MYO1E: variants seen among roughly 807,000 people sequenced by gnomAD.
The protein encoded by MYO1E is myosin IE.
A neutral mutation model predicts 151.1 loss-of-function variants in MYO1E; 68 were observed. That is an observed-to-expected ratio of 0.45 (90% CI 0.37 to 0.55). The LOEUF is 0.55. MYO1E is among the 20% of genes least tolerant of loss of function. The pLI is 0.00. For synonymous variants in MYO1E, 601 were observed against 501.7 expected, an observed-to-expected ratio of 1.20 and a Z score of -2.64; for missense variants, 1,363 against 1,389.3, an observed-to-expected ratio of 0.98 and a Z score of 0.30.
chr15:59,272,214 A>T, intron 2 of MYO1E, 92 bp downstream of exon 2: 1 of 1,454,504 alleles, frequency 6.9e-7, no homozygotes, highest in Non-Finnish European at 9.6e-7. Flanking sequence ...GGGATTACAC[A>T]CGTGAGCCAC....
intron 18 of MYO1E, among the ~76,000 whole-genome samples, chr15:59,182,251 C>T (rs945271590): frequency 1.5e-4 from 23 of 152,070 alleles, no homozygotes; most frequent in Admixed American, 3.9e-4. Flanking sequence ...CCACTCTTGT[C>T]GCCCAGGCTG....
chr15:59,322,114 G>A (rs1287522575), intron 1 of MYO1E, among the ~76,000 whole-genome samples: 2 of 149,074 alleles, frequency 1.3e-5, no homozygotes, highest in African/African-American at 5.0e-5. Context: ...GGTGGAGGTT[G>A]CAGTGAGCCA....
At chr15:59,293,437 T>C (rs1567005690) in intron 1 of MYO1E, among the ~76,000 whole-genome samples, 1 of 151,812 alleles carries the variant, frequency 6.6e-6, no homozygotes, top group African/African-American at 2.4e-5. Context: ...TCCCAGCTAC[T>C]TGGGAGACCA....
At chr15:59,368,931 C>T (rs1262870169) in intron 1 of MYO1E, among the ~76,000 whole-genome samples, 10 of 152,226 alleles carry the variant, frequency 6.6e-5, no homozygotes. Context: ...GGATGGCCCA[C>T]TCACACTTGT....
chr15:59,156,278 G>A lies in MYO1E; in HGVS notation c.2878+2009C>T, dbSNP rs113083148. On this transcript the variant is annotated intron_variant, in intron 25 of 27. Coordinates refer to ENST00000288235, the MANE Select transcript of MYO1E (RefSeq NM_004998.4). ...CAGCTCACTGCAATCTCCACCTCCC[G>A]GGTTCAAGCAATTCTCGTGCCTCAT... Among the ~76,000 whole-genome samples, 810 of 152,230 alleles carry A rather than the reference G, an allele frequency of 5.3e-3. 4 individuals carry two copies. Among genetic ancestry groups the A allele is most frequent in the African/African-American group, 0.018 (764 of 41,544 alleles).
At chr15:59,197,269 A>C (rs1194453780) in intron 16 of MYO1E, among the ~76,000 whole-genome samples, 2 of 152,216 alleles carry the variant, frequency 1.3e-5, no homozygotes, top group African/African-American at 4.8e-5. Context: ...CTGGGATTAC[A>C]GGCGTGAGCC....
chr15:59,280,039 A>C (rs1311606227), intron 1 of MYO1E, among the ~76,000 whole-genome samples: 1 of 152,192 alleles, frequency 6.6e-6, no homozygotes, highest in East Asian at 1.9e-4. Flanking sequence ...GAAATATATA[A>C]ATGTCTGACA....
chr15:59,216,933 C>G lies in MYO1E; in HGVS notation c.1107+958G>C, dbSNP rs569722784. Reference sequence around the variant, plus strand: ...AAAAAACTGGCTTCTTGCTCATTCTCTCTTTCAGATCACTCGCTCTGGGGA... The same window carrying G: ...AAAAAACTGGCTTCTTGCTCATTCTGTCTTTCAGATCACTCGCTCTGGGGA... On this transcript the variant is annotated intron_variant, in intron 10 of 27. Transcript: ENST00000288235. Among the ~76,000 whole-genome samples the G allele has an allele frequency of 5.5e-4, 83 of 151,982 alleles. 1 individual carries two copies. The highest frequency in any genetic ancestry group is 2.0e-3 in the African/African-American group (81 of 41,454).
At chr15:59,161,525 G>A (rs1222827321) in intron 23 of MYO1E, among the ~76,000 whole-genome samples, 1 of 152,214 alleles carries the variant, frequency 6.6e-6, no homozygotes, top group Non-Finnish European at 1.5e-5. Flanking sequence ...GGTCTCAGAG[G>A]CGCCTGCTGA....
At chr15:59,219,288 A>G (rs1326437959) in intron 9 of MYO1E, among the ~76,000 whole-genome samples, 1 of 152,238 alleles carries the variant, frequency 6.6e-6, no homozygotes, top group Non-Finnish European at 1.5e-5. Flanking sequence ...CTTTGACATG[A>G]AAGAATGCTC....
intron 22 of MYO1E, among the ~76,000 whole-genome samples, chr15:59,170,662 T>G (rs926596147): frequency 2.0e-5 from 3 of 151,988 alleles, no homozygotes; most frequent in African/African-American, 2.4e-5. Context: ...TGCGGACTCA[T>G]CTGCTTAGCA....
chr15:59,355,671 T>G (rs577523602), intron 1 of MYO1E, among the ~76,000 whole-genome samples: 5 of 152,216 alleles, frequency 3.3e-5, no homozygotes, highest in Non-Finnish European at 2.9e-5. Flanking sequence ...TAATGCGCAA[T>G]CCCATGGCAA....
chr15:59,291,920 G>A (rs1416889328), intron 1 of MYO1E, among the ~76,000 whole-genome samples: 2 of 151,884 alleles, frequency 1.3e-5, no homozygotes, highest in Non-Finnish European at 2.9e-5. Context: ...TACCATAAAT[G>A]CTCTAAAGGA....
At position 59,151,889 on chromosome 15, in the gene MYO1E, T is replaced by TACACACACACAC. The variant is rs34550013; in HGVS notation, c.3080+1689_3080+1700dup. Among the ~76,000 whole-genome samples, 70 of 147,244 alleles carry TACACACACACAC rather than the reference T, an allele frequency of 4.8e-4. 1 individual carries two copies. The highest frequency in any genetic ancestry group is 1.7e-3 in the African/African-American group (68 of 40,242). On this transcript the variant is annotated intron_variant, in intron 26 of 27. Transcript: ENST00000288235. ...AGTGAAACTCTTGTCTCTACAAAAA[T>TACACACACACAC]ACACACACACACACACACACACACA...
intron 22 of MYO1E, among the ~76,000 whole-genome samples, chr15:59,169,800 G>A (rs182588007): frequency 2.0e-5 from 3 of 152,302 alleles, no homozygotes; most frequent in South Asian, 4.1e-4. Context: ...AGTCCCTACA[G>A]TCCCTGCTTG....
At chr15:59,272,628 CTAAGT>C (rs749328473) in intron 1 of MYO1E, among the ~76,000 whole-genome samples, 179 bp from the exon 2 acceptor site, 17 of 152,178 alleles carry the variant, frequency 1.1e-4, no homozygotes, top group Admixed American at 9.2e-4. Flanking sequence ...TACCTACAGA[CTAAGT>C]TAAGTGGGGA....
intron 1 of MYO1E, among the ~76,000 whole-genome samples, chr15:59,293,845 CTAGCCTGGGAAACATGGTGAAA>C (rs1340131515): frequency 4.6e-5 from 7 of 152,122 alleles, no homozygotes; most frequent in Admixed American, 1.3e-4. Flanking sequence ...GAGTTTGAGA[CTAGCCTGGGAAACATGGTGAAA>C]CCCTGTCTCT....
chr15:59,229,066 TTGGCGGCC>T (rs2080009099), intron 6 of MYO1E, among the ~76,000 whole-genome samples: 1 of 152,204 alleles, frequency 6.6e-6, no homozygotes, highest in African/African-American at 2.4e-5. Flanking sequence ...CGTGCTTCCT[TTGGCGGCC>T]ACCTTCACCA....
intron 2 of MYO1E, among the ~76,000 whole-genome samples, chr15:59,271,972 A>G (rs1010182460): frequency 6.6e-6 from 1 of 152,248 alleles, no homozygotes; most frequent in African/African-American, 2.4e-5. Flanking sequence ...ACCGGGCATC[A>G]TCTTTGCCCT....
Sources: gnomAD v4.1 joint callset for allele counts (sites outside exome capture counted in the v4.1 genomes callset) on GRCh38, gnomAD v4.1.1 for gene constraint, MANE v1.5 for transcripts, NCBI Gene and HGNC (gene_info 2026-07-23, HGNC 2026-07-21) for gene names.